The following NAV3 variants were observed in gnomAD, a reference collection of about 807,000 sequenced individuals.
NAV3 encodes pore membrane and/or filament interacting like protein 1.
Under a neutral mutation model 244.7 loss-of-function variants are expected in NAV3, and 87 were observed. That is an observed-to-expected ratio of 0.36 (90% CI 0.30 to 0.42). NAV3 has a LOEUF of 0.42. NAV3 is among the 20% of genes least tolerant of loss of function. NAV3 has a pLI of 1.00. For synonymous variants in NAV3, 1,126 were observed against 1,042.2 expected (o/e 1.08, Z -1.55); for missense variants, 2,663 against 2,893.3 (o/e 0.92, Z 1.83).
At chr12:77,702,196 A>G (rs1875592549) in intron 2 of NAV3, among the ~76,000 whole-genome samples, 1 of 151,994 alleles carries the variant, frequency 6.6e-6, no homozygotes, top group Admixed American at 6.6e-5. Flanking sequence ...TGACTCTATC[A>G]TTAGTGCAAA....
chr12:77,816,735 G>A (rs1391313859), intron 2 of NAV3, among the ~76,000 whole-genome samples: 1 of 152,040 alleles, frequency 6.6e-6, no homozygotes, highest in Non-Finnish European at 1.5e-5. Flanking sequence ...CTTTACCTCT[G>A]CTTCCCTAAA....
At position 78,122,016 on chromosome 12, in the gene NAV3, C is replaced by T. The variant is rs2138682280; in HGVS notation, c.3826C>T (p.Pro1276Ser). ...GGGTGTGAAATCTTCCTCAGTAATG[C>T]CCAGCCCTAGTACCACATTAGCGCG... Reference protein sequence around the residue: ...TEGVKSSSVMPSPSTTLARQG... With the variant: ...TEGVKSSSVMSSPSTTLARQG... The change falls in exon 16 of 40, where the codon CCC becomes TCC. Residue 1276 changes from proline (P) to serine (S), a missense_variant. By Grantham distance (74) the Pro-to-Ser change is moderately conservative. Around this residue, in one of 6 missense-constraint regions of NAV3, gnomAD observed 354 missense variants for 413.0 expected, o/e 0.86. Coordinates refer to ENST00000397909, the MANE Select transcript of NAV3 (RefSeq NM_001024383.2). 14 of 1,614,176 alleles carry T rather than the reference C, an allele frequency of 8.7e-6. No individual in the cohort carries two copies. Among genetic ancestry groups the T allele is most frequent in the Non-Finnish European group, 1.2e-5 (14 of 1,180,030 alleles).
At chr12:77,651,070 A>G (rs1333530502) in intron 2 of NAV3, among the ~76,000 whole-genome samples, 1 of 152,142 alleles carries the variant, frequency 6.6e-6, no homozygotes, top group Non-Finnish European at 1.5e-5. Flanking sequence ...TCAAAGTACA[A>G]CTATATCGCA....
At chr12:78,170,215 T>C (rs1477049655) in intron 24 of NAV3, among the ~76,000 whole-genome samples, 1 of 151,778 alleles carries the variant, frequency 6.6e-6, no homozygotes, top group Non-Finnish European at 1.5e-5. Flanking sequence ...ACTTGTCTTC[T>C]GTCTCAGACC....
intron 2 of NAV3, among the ~76,000 whole-genome samples, chr12:77,695,144 G>A (rs1441685500): frequency 1.3e-5 from 2 of 152,134 alleles, no homozygotes; most frequent in Non-Finnish European, 2.9e-5. Context: ...CTGTGCAGAA[G>A]CTTTTTAACT....
chr12:77,582,158 C>T (rs898341308), intron 2 of NAV3, among the ~76,000 whole-genome samples: 11 of 152,200 alleles, frequency 7.2e-5, no homozygotes, highest in African/African-American at 2.4e-4. Context: ...TTGTATTTAG[C>T]ACACTTTCTA....
At chr12:77,952,678 A>G (rs528321450) in intron 3 of NAV3, among the ~76,000 whole-genome samples, 1 of 151,970 alleles carries the variant, frequency 6.6e-6, no homozygotes, top group African/African-American at 2.4e-5. Flanking sequence ...TGCTCTTTCT[A>G]AAAAAAATTA....
chr12:77,935,029 G>A (rs1457060814), intron 1 of NAV3, among the ~76,000 whole-genome samples: 1 of 152,068 alleles, frequency 6.6e-6, no homozygotes, highest in Admixed American at 6.6e-5. Flanking sequence ...TTAAAAATAA[G>A]TTACTTTATC....
At chr12:78,123,475 G>T (rs1033264232) in intron 16 of NAV3, among the ~76,000 whole-genome samples, 2 of 151,564 alleles carry the variant, frequency 1.3e-5, no homozygotes, top group African/African-American at 4.8e-5. Context: ...TCTGCATTAC[G>T]CCAGTTTCCC....
intron 30 of NAV3, among the ~76,000 whole-genome samples, chr12:78,184,432 A>G (rs963054911): frequency 6.6e-6 from 1 of 151,840 alleles, no homozygotes; most frequent in Non-Finnish European, 1.5e-5. Context: ...GAAAAGGTGA[A>G]AGACTATTAA....
intron 2 of NAV3, among the ~76,000 whole-genome samples, chr12:77,666,179 G>GTTTT (rs35767149): frequency 2.0e-4 from 24 of 119,162 alleles, no homozygotes; most frequent in African/African-American, 2.9e-4. Flanking sequence ...CATGTTTACA[G>GTTTT]TTTTTTTTTT....
At chr12:78,156,860 A>G (rs545793266) in intron 22 of NAV3, among the ~76,000 whole-genome samples, 2 of 152,232 alleles carry the variant, frequency 1.3e-5, no homozygotes, top group African/African-American at 4.8e-5. Context: ...TATGAATACT[A>G]TACAGTAAAA....
In NAV3 at chr12:77,942,326, T is replaced by G. The variant is rs572919113; in HGVS notation, c.414+1193T>G. Among the ~76,000 whole-genome samples, 26 of 152,046 alleles carry G rather than the reference T, an allele frequency of 1.7e-4. No homozygotes were observed. The South Asian group carries it at 5.0e-3, about 29-fold the overall frequency. ...GGCGGAGGTTATGGTGAGCGAGGAT[T>G]GTGCCATTGCACTCCGGCCTGGGCA... On this transcript the variant is annotated intron_variant, in intron 3 of 39. Coordinates refer to ENST00000397909, the MANE Select transcript of NAV3 (RefSeq NM_001024383.2).
At chr12:77,953,784 G>T (rs1162666885) in intron 3 of NAV3, among the ~76,000 whole-genome samples, 5 of 152,120 alleles carry the variant, frequency 3.3e-5, no homozygotes, top group Non-Finnish European at 7.4e-5. Flanking sequence ...CTGGAATTAC[G>T]CATGCTCACA....
intron 1 of NAV3, among the ~76,000 whole-genome samples, chr12:77,918,379 AG>A (rs72331749): frequency 0.087 from 13,220 of 152,090 alleles, 758 homozygotes; most frequent in East Asian, 0.2. Flanking sequence ...CTAATATTAG[AG>A]GGACCTTTTT....
chr12:78,144,845 G>A (rs1294516351), intron 20 of NAV3, among the ~76,000 whole-genome samples: 1 of 137,272 alleles, frequency 7.3e-6, no homozygotes, highest in African/African-American at 2.7e-5. Flanking sequence ...AAAGTAGGCC[G>A]GGCACGGTGG....
chr12:77,616,403 T>C (rs1407343062), intron 2 of NAV3, among the ~76,000 whole-genome samples: 1 of 152,128 alleles, frequency 6.6e-6, no homozygotes, highest in East Asian at 1.9e-4. Context: ...TAAGTTAGTA[T>C]GGGTATTTTG....
chr12:77,720,294 C>G (rs1162226678), intron 2 of NAV3, among the ~76,000 whole-genome samples: 1 of 152,124 alleles, frequency 6.6e-6, no homozygotes, highest in Non-Finnish European at 1.5e-5. Context: ...AAAACAGTCA[C>G]TTTTCCCAGG....
intron 1 of NAV3, among the ~76,000 whole-genome samples, chr12:77,852,441 A>G (rs1043595804): frequency 1.3e-5 from 2 of 152,122 alleles, no homozygotes; most frequent in African/African-American, 4.8e-5. Flanking sequence ...AGGGAGGCTG[A>G]GGTGGTAGAA....
Sources: allele counts gnomAD v4.1 joint callset (sites outside exome capture counted in the v4.1 genomes callset), GRCh38; gene constraint gnomAD v4.1.1; regional missense constraint gnomAD v4.1.1; transcripts MANE v1.5; gene names NCBI Gene and HGNC (gene_info 2026-07-23, HGNC 2026-07-21).